Variants in ELFN2 observed in about 807,000 individuals in gnomAD.
The protein encoded by ELFN2 is extracellular leucine rich repeat and fibronectin type III domain containing 2.
ELFN2 carries 17 observed loss-of-function variants against 45.5 expected under a neutral mutation model. That is an observed-to-expected ratio of 0.37 (90% confidence interval 0.26 to 0.56). ELFN2 has a LOEUF of 0.56. Ranked by LOEUF, ELFN2 falls within the 20% of genes least tolerant of loss-of-function variation. The probability of loss-of-function intolerance (pLI) is 0.77; values close to 1 mark genes in which losing one functional copy is unlikely to be tolerated. For synonymous variants in ELFN2, 550 were observed against 551.5 expected (o/e 1.00, Z 0.04); for missense variants, 922 against 1,183.2 (o/e 0.78, Z 3.24).
intron 2 of ELFN2, among the ~76,000 whole-genome samples, chr22:37,409,361 C>T (rs536640690): frequency 9.8e-5 from 15 of 152,298 alleles, no homozygotes; most frequent in Middle Eastern, 3.4e-3. Context: ...AGGTGGAGAA[C>T]AGCAGGGAAC....
At position 37,417,489 on chromosome 22, in the gene ELFN2, G is replaced by A. The variant is rs548032704; in HGVS notation, c.-463+280C>T. Among the ~76,000 whole-genome samples, 1 of 152,344 alleles carries A rather than the reference G, an allele frequency of 6.6e-6. No individual in the cohort carries two copies. Among genetic ancestry groups the A allele is most frequent in the South Asian group, 2.1e-4 (1 of 4,832 alleles). ...GCCTCTCTGCCGGGTGATGGGGCAGGAGCTGGGGTCCTTGAGCCAACAGGG... is the reference window on the plus strand; with the variant it reads ...GCCTCTCTGCCGGGTGATGGGGCAGAAGCTGGGGTCCTTGAGCCAACAGGG... On this transcript the variant is annotated intron_variant, in intron 2 of 2. Transcript: ENST00000402918. This position sits in a 1 kb window ranked among gnomAD's most constrained non-coding sequence, Gnocchi z 4.5.
intron 2 of ELFN2, among the ~76,000 whole-genome samples, chr22:37,400,571 T>G (rs113921703): frequency 7.2e-5 from 11 of 152,294 alleles, no homozygotes; most frequent in African/African-American, 2.4e-4. Flanking sequence ...GATGGGAGCC[T>G]GAGGCCTGCA....
Position 37,422,954 on chromosome 22 carries a change from G to C in ELFN2, c.-614+4344C>G, listed in dbSNP as rs947405297. Among the ~76,000 whole-genome samples, 118 of 147,374 alleles carry C rather than the reference G, an allele frequency of 8.0e-4. 1 individual carries two copies. The highest frequency in any genetic ancestry group is 1.2e-3 in the Non-Finnish European group (81 of 66,774). On this transcript the variant is annotated intron_variant, in intron 1 of 2. Coordinates refer to ENST00000402918, the MANE Select transcript of ELFN2 (RefSeq NM_052906.5). The stretch of plus-strand genomic sequence containing the variant: ...AGGAAACTGGGCCTCGGGGGGGGGG[G>C]GGGAAGTGACTTGCCCAGGACCCAC...
At chr22:37,385,526 C>T (rs1366852056) in intron 2 of ELFN2, among the ~76,000 whole-genome samples, 2 of 152,240 alleles carry the variant, frequency 1.3e-5, no homozygotes, top group African/African-American at 2.4e-5. Context: ...TCTGCGTCCC[C>T]GGAGGCACAG....
intron 1 of ELFN2, among the ~76,000 whole-genome samples, chr22:37,358,385 C>G (rs942093437): frequency 6.6e-6 from 1 of 152,230 alleles, no homozygotes; most frequent in Non-Finnish European, 1.5e-5. Context: ...GGCAGAGGCA[C>G]GCAGGTCCAG....
chr22:37,388,936 G>A (rs1932024113), intron 2 of ELFN2, among the ~76,000 whole-genome samples: 1 of 152,216 alleles, frequency 6.6e-6, no homozygotes, highest in Admixed American at 6.5e-5. Context: ...GGGCTTCGTG[G>A]GGGGCGTCCC....
rs759747163 is a variant in ELFN2 at position 37,374,220 on chromosome 22, G to C, written c.1315C>G (p.Leu439Val). Residue 439 changes from leucine (L) to valine (V), a missense_variant, in exon 3 of 3, where the codon CTG (leucine) becomes GTG (valine). Around this residue, in one of 2 missense-constraint regions of ELFN2, gnomAD observed 564 missense variants for 642.8 expected, o/e 0.88. Transcript: ENST00000402918. ...QKSVNVKKTI[L>V]EMRYGADVDA... ...ACATCAGCCCCGTAGCGCATCTCCA[G>C]GATGGTCTTCTTGACGTTGACAGAC... The C allele has an allele frequency of 6.2e-7, 1 of 1,613,904 alleles. No individual in the cohort carries two copies. The highest frequency in any genetic ancestry group is 1.7e-5 in the Admixed American group (1 of 60,034).
At chr22:37,358,593 G>A (rs1931006150) in intron 1 of ELFN2, among the ~76,000 whole-genome samples, 1 of 152,320 alleles carries the variant, frequency 6.6e-6, no homozygotes, top group Non-Finnish European at 1.5e-5. Flanking sequence ...TTCCTGGTTG[G>A]AACTGGGTCC....
intron 2 of ELFN2, among the ~76,000 whole-genome samples, chr22:37,407,180 G>A (rs1007294719): frequency 2.0e-4 from 29 of 143,766 alleles, no homozygotes; most frequent in African/African-American, 8.1e-4. Flanking sequence ...CAGAACAAGA[G>A]GGCTCGGGAC....
At chr22:37,343,822 C>A (rs1051606617) in intron 1 of ELFN2, among the ~76,000 whole-genome samples, 4 of 151,926 alleles carry the variant, frequency 2.6e-5, no homozygotes, top group African/African-American at 9.7e-5. Flanking sequence ...CCTCCCCACA[C>A]CCTCTCCAGC....
rs764708659 is a variant in ELFN2 at position 37,374,371 on chromosome 22, C to A, written c.1164G>T (p.Ala388=). 2 of 1,613,846 alleles carry A rather than the reference C, an allele frequency of 1.2e-6. No individual in the cohort carries two copies. The highest frequency in any genetic ancestry group is 1.7e-6 in the Non-Finnish European group (2 of 1,179,976). ...TTRDPVPGDL[A]PSTSTTTHYI... ...AGTGGGTGGTGGTGGAGGTGCTGGGCGCCAAGTCTCCGGGGACGGGGTCCC... is the reference window on the plus strand; with the variant it reads ...AGTGGGTGGTGGTGGAGGTGCTGGGAGCCAAGTCTCCGGGGACGGGGTCCC... The change falls in exon 3 of 3, where the codon GCG becomes GCT. Residue 388 remains alanine (A), a synonymous_variant. Transcript: ENST00000402918.
chr22:37,398,364 C>T (rs537438858), intron 2 of ELFN2, among the ~76,000 whole-genome samples: 2 of 152,252 alleles, frequency 1.3e-5, no homozygotes, highest in South Asian at 2.1e-4. Flanking sequence ...AGCCACCTGC[C>T]GTGCCTCTCC....
chr22:37,395,955 C>T (rs949129013), intron 2 of ELFN2, among the ~76,000 whole-genome samples: 1 of 152,140 alleles, frequency 6.6e-6, no homozygotes, highest in African/African-American at 2.4e-5. Context: ...CACAGCTGAG[C>T]CCCCAGATAC....
At position 37,375,642 on chromosome 22, in the gene ELFN2, G is replaced by A. The variant is rs745633860; in HGVS notation, c.-108C>T. Reference sequence around the variant, plus strand: ...CTGGGGCCGCCACCATCTTGGGGGCGACCCCCAGCACGGGGGCCCCAGGCA... The same window carrying A: ...CTGGGGCCGCCACCATCTTGGGGGCAACCCCCAGCACGGGGGCCCCAGGCA... On this transcript the variant is annotated 5_prime_UTR_variant, in exon 3 of 3. Coordinates refer to ENST00000402918, the MANE Select transcript of ELFN2 (RefSeq NM_052906.5). 7.0e-4 allele frequency: 958 copies of A among 1,360,440 alleles called. No individual in the cohort carries two copies. The highest frequency in any genetic ancestry group is 1.7e-3 in the Admixed American group (60 of 34,668). The allele number at this position is 1,360,440 out of a possible 1,614,324, so 84.3% of individuals were successfully genotyped here.
chr22:37,395,798 G>A lies in ELFN2; in HGVS notation c.-462-19802C>T, dbSNP rs80317067. On this transcript the variant is annotated intron_variant, in intron 2 of 2. Coordinates refer to ENST00000402918, the MANE Select transcript of ELFN2 (RefSeq NM_052906.5). ...AAGACCTGCAAAACTAGTGTCTGGC[G>A]TGCAGGGCATCACCAAGGGAGGCCC... Among the ~76,000 whole-genome samples, 387 of 152,278 alleles carry A rather than the reference G, an allele frequency of 2.5e-3. 4 individuals carry two copies. Among genetic ancestry groups the A allele is most frequent in the African/African-American group, 8.9e-3 (368 of 41,550 alleles).
intron 1 of ELFN2, among the ~76,000 whole-genome samples, chr22:37,351,258 G>A (rs148598209): frequency 6.8e-6 from 1 of 148,002 alleles, no homozygotes; most frequent in Non-Finnish European, 1.5e-5. Flanking sequence ...TTGTTCTCTA[G>A]TCCCTCACTC....
intron 2 of ELFN2, among the ~76,000 whole-genome samples, chr22:37,376,379 C>T (rs910445927): frequency 6.7e-6 from 1 of 149,434 alleles, no homozygotes; most frequent in African/African-American, 2.5e-5. Context: ...GCCAGACCTC[C>T]ATGGCATGCA....
intron 1 of ELFN2, among the ~76,000 whole-genome samples, chr22:37,348,787 G>A (rs1343043840): frequency 6.6e-6 from 1 of 150,646 alleles, no homozygotes. Context: ...AGGTGGGAGA[G>A]GACATGGAGG....
chr22:37,423,649 AG>A (rs1424671239), intron 1 of ELFN2, among the ~76,000 whole-genome samples: 11 of 152,162 alleles, frequency 7.2e-5, no homozygotes, highest in African/African-American at 2.4e-4. Flanking sequence ...GGCTCTCAGT[AG>A]GGGCTCAATA....
Sources: allele counts gnomAD v4.1 joint callset (sites outside exome capture counted in the v4.1 genomes callset), GRCh38; gene constraint gnomAD v4.1.1; regional missense constraint gnomAD v4.1.1; non-coding constraint Gnocchi (gnomAD v3.1); transcripts MANE v1.5; gene names NCBI Gene and HGNC (gene_info 2026-07-23, HGNC 2026-07-21).